ISCA1: variants seen among roughly 807,000 people sequenced by gnomAD.
ISCA1 encodes iron-sulfur cluster assembly 1.
In ISCA1, 9 loss-of-function variants were observed where a neutral mutation model predicts 14.7. The observed-to-expected ratio is 0.61, with a 90% CI of 0.37 to 1.07. The LOEUF is 1.07. Ranked by LOEUF, ISCA1 falls within the 50% of genes least tolerant of loss-of-function variation. The probability of loss-of-function intolerance (pLI) is 0.01; values close to 1 mark genes in which losing one functional copy is unlikely to be tolerated. For missense variants in ISCA1, 102 were observed against 150.1 expected (o/e 0.68, Z 1.67); for synonymous variants, 38 against 54.3 (o/e 0.70, Z 1.32).
intron 3 of ISCA1, among the ~76,000 whole-genome samples, 174 bp downstream of exon 3, chr9:86,271,833 C>A (rs1418106486): frequency 1.3e-5 from 2 of 152,214 alleles, no homozygotes; most frequent in Non-Finnish European, 2.9e-5. Flanking sequence ...CACCCACATT[C>A]AGCATTGTGT....
At chr9:86,274,347 A>G in intron 1 of ISCA1, 105 bp from the exon 2 acceptor site, 1 of 736,144 alleles carries the variant, frequency 1.4e-6, no homozygotes, top group Admixed American at 2.4e-5. Flanking sequence ...TGACAAATTT[A>G]TGTTCCATTC....
intron 1 of ISCA1, among the ~76,000 whole-genome samples, chr9:86,276,647 G>T (rs1205971701): frequency 6.6e-6 from 1 of 152,050 alleles, no homozygotes; most frequent in East Asian, 1.9e-4. Flanking sequence ...AAGGTGGAAG[G>T]ATCACTTGAA....
intron 1 of ISCA1, 182 bp downstream of exon 1, chr9:86,282,196 T>C: frequency 3.1e-6 from 2 of 652,712 alleles, no homozygotes; most frequent in Non-Finnish European, 5.0e-6. Context: ...CGGGACTTGT[T>C]TATCGTTGCA....
At chr9:86,270,139 A>C (rs1363565719) in intron 3 of ISCA1, among the ~76,000 whole-genome samples, 2 of 146,584 alleles carry the variant, frequency 1.4e-5, no homozygotes, top group Non-Finnish European at 3.0e-5. Context: ...AGAAACTACC[A>C]TCAGAGTGAA....
chr9:86,275,905 T>C (rs1274788498), intron 1 of ISCA1, among the ~76,000 whole-genome samples: 2 of 152,214 alleles, frequency 1.3e-5, no homozygotes, highest in Non-Finnish European at 2.9e-5. Flanking sequence ...TATTATTTTT[T>C]AAAGTGCTCA....
intron 3 of ISCA1, chr9:86,267,215 A>T: frequency 1.9e-6 from 1 of 524,736 alleles, no homozygotes; most frequent in Non-Finnish European, 2.4e-6. Flanking sequence ...AGAGAGCAAG[A>T]CTCTGTCTCA....
At chr9:86,281,762 T>C (rs1825519501) in intron 1 of ISCA1, among the ~76,000 whole-genome samples, 1 of 152,228 alleles carries the variant, frequency 6.6e-6, no homozygotes, top group Non-Finnish European at 1.5e-5. Context: ...TCATCTTTTG[T>C]CCTAAGAGCC....
In ISCA1 at chr9:86,265,938, G is replaced by A; in HGVS notation, c.*105C>T. ...AACACACTGGATTCATTTTCAAGAT[G>A]TATCACTTTATTTTCCAGCACGTGA... On this transcript the variant is annotated 3_prime_UTR_variant, in exon 4 of 4. Transcript: ENST00000375991. 6.7e-7 allele frequency: 1 copy of A among 1,493,306 alleles called. No individual in the cohort carries two copies. The highest frequency in any genetic ancestry group is 1.1e-5 in the South Asian group (1 of 87,846). 92.5% of individuals were successfully genotyped at this position (1,493,306 alleles called of 1,614,324 possible).
chr9:86,280,747 C>T (rs751326787), intron 1 of ISCA1, among the ~76,000 whole-genome samples: 2 of 151,616 alleles, frequency 1.3e-5, no homozygotes, highest in South Asian at 2.1e-4. Flanking sequence ...CCCAGGAGTT[C>T]GAGACCAGCC....
chr9:86,271,836 C>A (rs1193592602), intron 3 of ISCA1, among the ~76,000 whole-genome samples, 171 bp downstream of exon 3: 3 of 152,194 alleles, frequency 2.0e-5, no homozygotes, highest in Non-Finnish European at 4.4e-5. Context: ...CCACATTCAG[C>A]ATTGTGTATA....
intron 1 of ISCA1, among the ~76,000 whole-genome samples, chr9:86,278,845 T>C (rs541338413): frequency 6.6e-6 from 1 of 152,318 alleles, no homozygotes; most frequent in East Asian, 1.9e-4. Context: ...ATTCCTGCCA[T>C]TGTGATTTAG....
chr9:86,278,035 G>C (rs373045908), intron 1 of ISCA1, among the ~76,000 whole-genome samples: 8 of 152,050 alleles, frequency 5.3e-5, no homozygotes, highest in African/African-American at 1.7e-4. Flanking sequence ...AACTCCCCAG[G>C]CAATTTTCAT....
intron 1 of ISCA1, among the ~76,000 whole-genome samples, chr9:86,280,469 G>A (rs556928976): frequency 2.0e-5 from 3 of 151,862 alleles, no homozygotes; most frequent in Admixed American, 6.6e-5. Context: ...GGTGGTGGGC[G>A]TCTGTAATCC....
chr9:86,272,210 C>T, intron 2 of ISCA1, 98 bp from the exon 3 acceptor site: 2 of 766,328 alleles, frequency 2.6e-6, no homozygotes, highest in South Asian at 1.5e-5. Context: ...CCAAAATGGA[C>T]TTTCTCTTAT....
rs1445478792 is a variant in ISCA1 at position 86,265,141 on chromosome 9, C to T, written c.*902G>A. 1 of 152,184 alleles carries T rather than the reference C, an allele frequency of 6.6e-6. No individual in the cohort carries two copies. Among genetic ancestry groups the T allele is most frequent in the African/African-American group, 2.4e-5 (1 of 41,436 alleles). 9.4% of individuals were successfully genotyped at this position (152,184 alleles called of 1,614,324 possible). On this transcript the variant is annotated 3_prime_UTR_variant, in exon 4 of 4. Transcript: ENST00000375991. Reference sequence around the variant, plus strand: ...AAAATAAAAATAATATAATCTCTATCAAATTATAAAGAAATTCTATCAAAA... The same window carrying T: ...AAAATAAAAATAATATAATCTCTATTAAATTATAAAGAAATTCTATCAAAA...
chr9:86,275,234 T>A (rs568715006), intron 1 of ISCA1, among the ~76,000 whole-genome samples: 1 of 152,360 alleles, frequency 6.6e-6, no homozygotes, highest in African/African-American at 2.4e-5. Flanking sequence ...GAGTACATCA[T>A]AATGAAGACA....
At chr9:86,281,031 T>C (rs1587822343) in intron 1 of ISCA1, among the ~76,000 whole-genome samples, 1 of 152,008 alleles carries the variant, frequency 6.6e-6, no homozygotes, top group South Asian at 2.1e-4. Context: ...CAAAAACTGT[T>C]CCTGAACCTT....
Position 86,266,174 on chromosome 9 carries a change from C to T in ISCA1, c.259G>A (p.Glu87Lys), listed in dbSNP as rs776679653. ...VIQDGVRVFI[E>K]KKAQLTLLGT... The stretch of plus-strand genomic sequence containing the variant: ...AAAAGTGTTAGCTGTGCTTTCTTTT[C>T]GATGAATACTCTGACTCCTTGGAGA... The change falls in exon 4 of 4, where the codon GAA becomes AAA. Residue 87 changes from glutamate to lysine, a missense_variant. Physicochemically the swap from Glu to Lys is moderately conservative, Grantham distance 56 (BLOSUM62 1). Transcript: ENST00000375991. 16 of 1,607,686 alleles carry T rather than the reference C, an allele frequency of 1.0e-5. No homozygotes were observed. Among genetic ancestry groups the T allele is most frequent in the South Asian group, 3.4e-5 (3 of 89,516 alleles).
In ISCA1 at chr9:86,282,505, C is replaced by T. The variant is rs1825535882; in HGVS notation, c.-47G>A. ...GTGCCTCGGGCCGAAGGTCGGCCGC[C>T]TCAGCTTCTCTCCATGGACACGGCG... On this transcript the variant is annotated 5_prime_UTR_variant, in exon 1 of 4. Transcript: ENST00000375991. 4 of 1,549,710 alleles carry T rather than the reference C, an allele frequency of 2.6e-6. No individual in the cohort carries two copies. The highest frequency in any genetic ancestry group is 1.4e-5 in the African/African-American group (1 of 73,038).
Sources: gnomAD v4.1 joint callset for allele counts (sites outside exome capture counted in the v4.1 genomes callset) on GRCh38, gnomAD v4.1.1 for gene constraint, MANE v1.5 for transcripts, NCBI Gene and HGNC (gene_info 2026-07-23, HGNC 2026-07-21) for gene names.